CCDC61: variants seen among roughly 807,000 people sequenced by gnomAD.
CCDC61 encodes the protein centrosomal protein CCDC61.
CCDC61 carries 55 observed loss-of-function variants against 63.0 expected under a neutral mutation model. That is an observed-to-expected ratio of 0.87 (90% CI 0.70 to 1.09). The LOEUF (loss-of-function observed/expected upper bound fraction) is 1.09. CCDC61 is among the 50% of genes least tolerant of loss of function. CCDC61 has a pLI of 0.00. For synonymous variants in CCDC61, 270 were observed against 317.0 expected (o/e 0.85, Z 1.58); for missense variants, 651 against 731.4 (o/e 0.89, Z 1.27).
At chr19:45,999,926 C>T (rs1968559662) in intron 1 of CCDC61, 2 of 705,672 alleles carry the variant, frequency 2.8e-6, no homozygotes, top group Non-Finnish European at 3.5e-6. Flanking sequence ...GCCTCGAAGG[C>T]ACCGCTGGGA....
chr19:46,013,946 T>C (rs1227971795), intron 5 of CCDC61, among the ~76,000 whole-genome samples: 1 of 152,178 alleles, frequency 6.6e-6, no homozygotes, highest in East Asian at 1.9e-4. Flanking sequence ...TGTGTTTTAG[T>C]CACCTCCTAT....
intron 1 of CCDC61, among the ~76,000 whole-genome samples, chr19:46,000,859 G>C (rs1015901897): frequency 6.6e-6 from 1 of 150,680 alleles, no homozygotes; most frequent in Non-Finnish European, 1.5e-5. Context: ...GCCGAAAGGG[G>C]CTGCTCTTCG....
At chr19:46,012,120 T>C (rs1968839479) in intron 5 of CCDC61, among the ~76,000 whole-genome samples, 1 of 152,180 alleles carries the variant, frequency 6.6e-6, no homozygotes, top group Non-Finnish European at 1.5e-5. Context: ...TTTTCTTTTT[T>C]TAAAAATTTT....
chr19:46,004,740 C>A (rs1409436636), intron 3 of CCDC61, among the ~76,000 whole-genome samples: 1 of 150,986 alleles, frequency 6.6e-6, no homozygotes, highest in Admixed American at 6.6e-5. Context: ...GTTGCAATTA[C>A]AAGCGTGAGC....
At chr19:46,002,746 C>T (rs943286173) in intron 1 of CCDC61, among the ~76,000 whole-genome samples, 3 of 152,136 alleles carry the variant, frequency 2.0e-5, no homozygotes, top group African/African-American at 7.2e-5. Context: ...GTATCCAGCA[C>T]ATATTGGACA....
intron 5 of CCDC61, among the ~76,000 whole-genome samples, chr19:46,013,203 T>A (rs1421844961): frequency 6.6e-6 from 1 of 152,016 alleles, no homozygotes; most frequent in Admixed American, 6.6e-5. Flanking sequence ...TTTGAATTTT[T>A]AGTAGAGAGG....
intron 1 of CCDC61, chr19:46,000,099 A>C: frequency 2.0e-6 from 2 of 976,744 alleles, no homozygotes; most frequent in Non-Finnish European, 2.4e-6. Flanking sequence ...GAGGGGGCTC[A>C]GGGTCCGGGG....
intron 1 of CCDC61, among the ~76,000 whole-genome samples, chr19:45,999,586 T>C (rs956646025): frequency 6.6e-6 from 1 of 151,936 alleles, no homozygotes; most frequent in Admixed American, 6.6e-5. Flanking sequence ...GAGGTAGTGA[T>C]GTAGATTTGT....
rs76457645 is a variant in CCDC61, at chr19:46,004,319, A to G, written c.231+818A>G. 1.2e-4 allele frequency among the ~76,000 whole-genome samples: 19 copies of G among 152,198 alleles called. No individual in the cohort carries two copies. The East Asian group carries it at 2.9e-3, about 23-fold the overall frequency. ...GTGAATATAGCCATTCATTCATTTC[A>G]TTTGCTGAGCATTGACAGTGTGTCA... On this transcript the variant is annotated intron_variant, in intron 3 of 13. Coordinates refer to ENST00000595358, the MANE Select transcript of CCDC61 (RefSeq NM_001267723.2).
At position 46,003,024 on chromosome 19, in the gene CCDC61, C is replaced by A; in HGVS notation, c.6C>A (p.Asp2Glu). 1 of 1,560,312 alleles carries A rather than the reference C, an allele frequency of 6.4e-7. No homozygotes were observed. The highest frequency in any genetic ancestry group is 1.2e-5 in the South Asian group (1 of 84,610). M[D>E]QPAGLQVDYV... Reference sequence around the variant, plus strand: ...CTTCTCCAGCAACCTTGGCCATGGACCAGCCGGCTGGCCTGCAGGTGGACT... The same window carrying A: ...CTTCTCCAGCAACCTTGGCCATGGAACAGCCGGCTGGCCTGCAGGTGGACT... Residue 2 changes from aspartate to glutamate, a missense_variant, in exon 2 of 14, where the codon GAC becomes GAA. Asp to Glu is a conservative substitution (Grantham distance 45). Coordinates refer to ENST00000595358, the MANE Select transcript of CCDC61 (RefSeq NM_001267723.2).
rs531600122 is a variant in CCDC61 at position 46,008,656 on chromosome 19, G to A, written c.551+355G>A. On this transcript the variant is annotated intron_variant, in intron 5 of 13. Coordinates refer to ENST00000595358, the MANE Select transcript of CCDC61 (RefSeq NM_001267723.2). ...ACTCCTGGCCTCAAGTGATCTGCCC[G>A]CGTTGGCCTCCCAAAGTGCTGGGAT... Among the ~76,000 whole-genome samples the A allele has an allele frequency of 2.2e-4, 33 of 152,272 alleles. No homozygotes were observed. The South Asian group carries it at 4.4e-3, about 20-fold the overall frequency.
At position 46,015,025 on chromosome 19, in the gene CCDC61, GC is replaced by G; in HGVS notation, c.552-23del. 1 of 1,487,882 alleles carries G rather than the reference GC, an allele frequency of 6.7e-7. No homozygotes were observed. The highest frequency in any genetic ancestry group is 8.9e-7 in the Non-Finnish European group (1 of 1,122,088). The allele number at this position is 1,487,882 out of a possible 1,614,324, so 92.2% of individuals were successfully genotyped here. On this transcript the variant is annotated intron_variant, in intron 5 of 13. Coordinates refer to ENST00000595358, the MANE Select transcript of CCDC61 (RefSeq NM_001267723.2). The surrounding 1 kb of genome is among the most constrained non-coding windows in gnomAD (Gnocchi z 5.3). Reference sequence around the variant, plus strand: ...GAATGGGGCCATGCCTCTCTCTCCAGCGCTCTCTCCGCGTCTTCCCCAGGGT... The same window carrying G: ...GAATGGGGCCATGCCTCTCTCTCCAGGCTCTCTCCGCGTCTTCCCCAGGGT...
chr19:46,000,832 G>A (rs1350609639), intron 1 of CCDC61, among the ~76,000 whole-genome samples: 1 of 151,734 alleles, frequency 6.6e-6, no homozygotes. Flanking sequence ...TGGGGGCTAA[G>A]GACAAGGCAA....
rs201422479 is a variant in CCDC61 at position 46,006,521 on chromosome 19, C to T, written c.232-38C>T. On this transcript the variant is annotated intron_variant, in intron 3 of 13. Transcript: ENST00000595358. ...CTAGGTGCCCTCCGTGTGGCAGTGG[C>T]GGGTGCTGTGGCAGCTCCTCCTCTC... The T allele has an allele frequency of 1.7e-3, 2,524 of 1,466,464 alleles. 12 individuals are homozygous for T. The highest frequency in any genetic ancestry group is 9.7e-3 in the African/African-American group (694 of 71,728). The allele number at this position is 1,466,464 out of a possible 1,614,324, so 90.8% of individuals were successfully genotyped here. A position where few individuals can be genotyped will look rare whatever the true frequency, so the allele number is the denominator to read the frequency against.
chr19:46,004,501 G>T (rs1209904087), intron 3 of CCDC61, among the ~76,000 whole-genome samples: 3 of 152,132 alleles, frequency 2.0e-5, no homozygotes, highest in Non-Finnish European at 2.9e-5. Context: ...ATCTCACTCT[G>T]TCTCCCAGGC....
intron 1 of CCDC61, among the ~76,000 whole-genome samples, chr19:45,999,600 T>A (rs1968554280): frequency 1.3e-5 from 2 of 152,042 alleles, no homozygotes; most frequent in African/African-American, 4.8e-5. Flanking sequence ...GATTTGTCTT[T>A]GGTGAGCCCA....
intron 12 of CCDC61, 120 bp downstream of exon 12, chr19:46,017,424 G>A: frequency 1.1e-6 from 1 of 895,292 alleles, no homozygotes; most frequent in Non-Finnish European, 1.7e-6. Context: ...GCTTTTTTAA[G>A]AGTGCGTCTC....
intron 5 of CCDC61, among the ~76,000 whole-genome samples, chr19:46,014,732 A>T (rs753855586): frequency 2.0e-5 from 3 of 152,066 alleles, no homozygotes; most frequent in Non-Finnish European, 4.4e-5. Flanking sequence ...AGATTGATGA[A>T]ATCGTTTAGA....
rs368550398 is a variant in CCDC61, at chr19:46,003,417, A to G, written c.149-2A>G. ...TCAGGAGAGACTTTTCTCCCCACCCAGTCATTGAAGATTTGACTCACAAGA... is the reference window on the plus strand; with the variant it reads ...TCAGGAGAGACTTTTCTCCCCACCCGGTCATTGAAGATTTGACTCACAAGA... On this transcript the variant is annotated splice_acceptor_variant, in intron 2 of 13. Coordinates refer to ENST00000595358, the MANE Select transcript of CCDC61 (RefSeq NM_001267723.2). LOFTEE classifies it high-confidence loss of function. The G allele has an allele frequency of 3.8e-5, 62 of 1,612,062 alleles. No homozygotes were observed. The highest frequency in any genetic ancestry group is 5.0e-5 in the Non-Finnish European group (59 of 1,178,928).
Sources: gnomAD v4.1 joint callset for allele counts (sites outside exome capture counted in the v4.1 genomes callset) on GRCh38, gnomAD v4.1.1 for gene constraint, Gnocchi (gnomAD v3.1) non-coding constraint, MANE v1.5 for transcripts, NCBI Gene and HGNC (gene_info 2026-07-23, HGNC 2026-07-21) for gene names.